PARVA: variants seen among roughly 807,000 people sequenced by gnomAD.
The protein encoded by PARVA is alpha-parvin.
In PARVA, 25 loss-of-function variants were observed where a neutral mutation model predicts 52.6. That is an observed-to-expected ratio of 0.48 (90% CI 0.35 to 0.66). The LOEUF (loss-of-function observed/expected upper bound fraction) is 0.66. Ranked by LOEUF, PARVA falls within the 30% of genes least tolerant of loss-of-function variation. The pLI, the probability that PARVA is intolerant of heterozygous loss-of-function variation, is 0.01. For synonymous variants in PARVA, 185 were observed against 179.1 expected (o/e 1.03, Z -0.26); for missense variants, 373 against 450.9 (o/e 0.83, Z 1.56).
At position 12,532,708 on chromosome 11, in the gene PARVA, C is replaced by G. The variant is rs985937990; in HGVS notation, c.*4783C>G. Among the ~76,000 whole-genome samples the G allele has an allele frequency of 1.3e-5, 2 of 152,142 alleles. No individual in the cohort carries two copies. Among genetic ancestry groups the G allele is most frequent in the African/African-American group, 4.8e-5 (2 of 41,428 alleles). On this transcript the variant is annotated 3_prime_UTR_variant, in exon 13 of 13. Transcript: ENST00000334956. ...GCAAAGTGGCATTTTAAAGTAATCCCTCAGTCGTGGAGCTACTCCAATGAG... is the reference window on the plus strand; with the variant it reads ...GCAAAGTGGCATTTTAAAGTAATCCGTCAGTCGTGGAGCTACTCCAATGAG...
At chr11:12,418,507 C>T (rs960512264) in intron 1 of PARVA, among the ~76,000 whole-genome samples, 2 of 152,122 alleles carry the variant, frequency 1.3e-5, no homozygotes, top group South Asian at 2.1e-4. Context: ...GATTCTTTAG[C>T]GGGTGGGTTG....
intron 1 of PARVA, among the ~76,000 whole-genome samples, chr11:12,422,436 G>C (rs1940163604): frequency 6.6e-6 from 1 of 152,200 alleles, no homozygotes. Context: ...AGAAACACTA[G>C]AGTAATGTAC....
intron 1 of PARVA, among the ~76,000 whole-genome samples, chr11:12,428,840 G>C (rs969496077): frequency 2.0e-5 from 3 of 152,176 alleles, no homozygotes; most frequent in African/African-American, 4.8e-5. Context: ...GTTATAAATT[G>C]AAAAGCCAAT....
rs1436242199 is a variant in PARVA at position 12,532,963 on chromosome 11, A to G, written c.*5038A>G. On this transcript the variant is annotated 3_prime_UTR_variant, in exon 13 of 13. Transcript: ENST00000334956. ...AAACTCTGGGGAAAGCTACGTCAGC[A>G]ATATGGAGTCTGGGGTTGCCTTTCT... 6.6e-6 allele frequency among the ~76,000 whole-genome samples: 1 copy of G among 152,200 alleles called. No homozygotes were observed. Among genetic ancestry groups the G allele is most frequent in the Admixed American group, 6.5e-5 (1 of 15,282 alleles).
chr11:12,412,587 T>C (rs1940005928), intron 1 of PARVA, among the ~76,000 whole-genome samples: 1 of 152,152 alleles, frequency 6.6e-6, no homozygotes, highest in Admixed American at 6.5e-5. Flanking sequence ...GAGAGGTCTG[T>C]TTTGCTACTG....
intron 1 of PARVA, among the ~76,000 whole-genome samples, chr11:12,472,966 T>C (rs1431113588): frequency 1.3e-5 from 2 of 152,206 alleles, no homozygotes; most frequent in African/African-American, 2.4e-5. Flanking sequence ...GAGCGTGGGC[T>C]GGTAATCTTT....
At chr11:12,473,878 C>CCAG in intron 2 of PARVA, 35 bp from the exon 3 acceptor site, 1 of 1,561,906 alleles carries the variant, frequency 6.4e-7, no homozygotes, top group Non-Finnish European at 8.7e-7. Context: ...CTTTCCCATG[C>CCAG]CAGCACCCCC....
intron 1 of PARVA, among the ~76,000 whole-genome samples, chr11:12,469,726 G>GT (rs2135031955): frequency 6.6e-6 from 1 of 152,182 alleles, no homozygotes; most frequent in Admixed American, 6.5e-5. Context: ...GTACCAAATC[G>GT]TTTCCTGAAA....
chr11:12,386,421 A>C (rs1279869881), intron 1 of PARVA, among the ~76,000 whole-genome samples: 1 of 152,196 alleles, frequency 6.6e-6, no homozygotes, highest in African/African-American at 2.4e-5. Context: ...GACCCAACTC[A>C]GAAGTCCTCT....
chr11:12,411,198 CT>C (rs1234692615), intron 1 of PARVA, among the ~76,000 whole-genome samples: 2 of 152,210 alleles, frequency 1.3e-5, no homozygotes, highest in Non-Finnish European at 2.9e-5. Flanking sequence ...ACAGATTTCA[CT>C]TTTTATTAGG....
chr11:12,511,953 CAGATGGATAA>C (rs1941507726), intron 8 of PARVA, among the ~76,000 whole-genome samples: 1 of 152,084 alleles, frequency 6.6e-6, no homozygotes, highest in African/African-American at 2.4e-5. Context: ...GATAGGTGTG[CAGATGGATAA>C]ACAACAATCA....
intron 12 of PARVA, among the ~76,000 whole-genome samples, chr11:12,524,585 A>C (rs1941677821): frequency 6.6e-6 from 1 of 152,086 alleles, no homozygotes; most frequent in Non-Finnish European, 1.5e-5. Context: ...TGTTATTAAC[A>C]TTTTACCTCC....
In PARVA at chr11:12,477,901, G is replaced by A. The variant is rs1435372824; in HGVS notation, c.352G>A (p.Asp118Asn). Residue 118 changes from aspartate to asparagine, a missense_variant, in exon 4 of 13, where the codon GAC (aspartate) becomes AAC (asparagine). By Grantham distance (23) the Asp-to-Asn change is conservative. Coordinates refer to ENST00000334956, the MANE Select transcript of PARVA (RefSeq NM_018222.5). ...VLVGERIIVK[D>N]LAEDLYDGQV... ...GGTTGGAGAAAGAATCATTGTGAAA[G>A]ACCTAGCTGAAGATTTGTATGATGG... The A allele has an allele frequency of 2.5e-6, 4 of 1,611,480 alleles. No homozygotes were observed. Among genetic ancestry groups the A allele is most frequent in the East Asian group, 2.2e-5 (1 of 44,884 alleles).
intron 1 of PARVA, among the ~76,000 whole-genome samples, chr11:12,379,752 G>T (rs1939458379): frequency 6.6e-6 from 1 of 152,206 alleles, no homozygotes; most frequent in Non-Finnish European, 1.5e-5. Context: ...ACGAGAAGCA[G>T]CAAAAACATA....
intron 1 of PARVA, among the ~76,000 whole-genome samples, chr11:12,408,181 G>T (rs1939941552): frequency 6.6e-6 from 1 of 151,652 alleles, no homozygotes; most frequent in Admixed American, 6.6e-5. Flanking sequence ...TCCAGCCACT[G>T]AGACCCCATT....
At position 12,530,335 on chromosome 11, in the gene PARVA, A is replaced by G. The variant is rs559178507; in HGVS notation, c.*2410A>G. ...ACTTAATATATGACCATGACTTTGA[A>G]AGGCAAAAGAGGAATCAAGAATAAA... On this transcript the variant is annotated 3_prime_UTR_variant, in exon 13 of 13. Coordinates refer to ENST00000334956, the MANE Select transcript of PARVA (RefSeq NM_018222.5). 3 of 152,276 alleles carry G rather than the reference A, an allele frequency of 2.0e-5. No homozygotes were observed. In the East Asian group the frequency reaches 5.8e-4, roughly 29 times the overall value. 9.4% of individuals were successfully genotyped at this position (152,276 alleles called of 1,614,324 possible).
chr11:12,504,792 T>TGTGTGTGTGTGTGTGA (rs1564865018), intron 6 of PARVA, among the ~76,000 whole-genome samples: 1 of 151,600 alleles, frequency 6.6e-6, no homozygotes, highest in African/African-American at 2.4e-5. Context: ...TGTGTGTGTG[T>TGTGTGTGTGTGTGTGA]GAGTTTGTGT....
At chr11:12,471,902 C>A (rs1940940537) in intron 1 of PARVA, among the ~76,000 whole-genome samples, 1 of 152,214 alleles carries the variant, frequency 6.6e-6, no homozygotes, top group African/African-American at 2.4e-5. Context: ...AGCCTTGCAG[C>A]CACATTTAAA....
rs1249944348 is a variant in PARVA, at chr11:12,522,077, T to A, written c.1042+3560T>A. On this transcript the variant is annotated intron_variant, in intron 12 of 12. Coordinates refer to ENST00000334956, the MANE Select transcript of PARVA (RefSeq NM_018222.5). ...AATTTACTACAGCAGTAATAGGAAG[T>A]TAGCACACTCCTTGACTTAGCAATT... 2.6e-5 allele frequency among the ~76,000 whole-genome samples: 4 copies of A among 152,298 alleles called. No homozygotes were observed. In the East Asian group the frequency reaches 7.7e-4, roughly 29 times the overall value.
Sources: gnomAD v4.1 joint callset for allele counts (sites outside exome capture counted in the v4.1 genomes callset) on GRCh38, gnomAD v4.1.1 for gene constraint, MANE v1.5 for transcripts, NCBI Gene and HGNC (gene_info 2026-07-23, HGNC 2026-07-21) for gene names.